Variants in SGF29 observed in about 807,000 individuals in gnomAD.
SGF29 encodes the protein SAGA complex associated factor 29, also known as SAGA-associated factor 29.
Under a neutral mutation model 38.1 loss-of-function variants are expected in SGF29, and 15 were observed. That is an observed-to-expected ratio of 0.39 (90% CI 0.26 to 0.61). The LOEUF is 0.61. SGF29 is among the 20% of genes least tolerant of loss of function. The pLI is 0.49. For missense variants in SGF29, 184 were observed against 394.6 expected (o/e 0.47, Z 4.52); for synonymous variants, 151 against 160.8 (o/e 0.94, Z 0.46).
rs747487215 is a variant in SGF29, at chr16:28,590,697, G to A, written c.602+31G>A. On this transcript the variant is annotated intron_variant, in intron 8 of 9. Coordinates refer to ENST00000317058, the MANE Select transcript of SGF29 (RefSeq NM_138414.3). This position sits in a 1 kb window ranked among gnomAD's most constrained non-coding sequence, Gnocchi z 8.2. ...TGTCCAGGCCAGGGCAGGGCATGGA[G>A]CCTGGGGGCAGCCTAACAGCTGAGA... The A allele has an allele frequency of 6.2e-7, 1 of 1,614,128 alleles. No homozygotes were observed. The highest frequency in any genetic ancestry group is 2.2e-5 in the East Asian group (1 of 44,868).
Position 28,589,184 on chromosome 16 carries a change from C to T in SGF29, c.289+20C>T. 3 of 1,613,528 alleles carry T rather than the reference C, an allele frequency of 1.9e-6. No individual in the cohort carries two copies. Among genetic ancestry groups the T allele is most frequent in the Non-Finnish European group, 2.5e-6 (3 of 1,179,476 alleles). ...GGATTGGTGAGTGGGAGAGAACATG[C>T]TGGGAGGTCCTTTGCTAGGACAAGA... On this transcript the variant is annotated intron_variant, in intron 5 of 9. Coordinates refer to ENST00000317058, the MANE Select transcript of SGF29 (RefSeq NM_138414.3).
chr16:28,573,828 G>C (rs1485178029), intron 1 of SGF29, among the ~76,000 whole-genome samples: 2 of 152,148 alleles, frequency 1.3e-5, no homozygotes, highest in Non-Finnish European at 2.9e-5. Flanking sequence ...TCTGAGGGCA[G>C]TATCAAGGAT....
chr16:28,573,947 A>G (rs1237645635), intron 1 of SGF29, among the ~76,000 whole-genome samples: 1 of 150,512 alleles, frequency 6.6e-6, no homozygotes, highest in Non-Finnish European at 1.5e-5. Flanking sequence ...GTAAAGTAAA[A>G]CCCCCTGTCC....
chr16:28,581,087 C>A lies in SGF29; in HGVS notation c.18C>A (p.Ala6=). The change falls in exon 2 of 10, where the codon GCC becomes GCA. Residue 6 remains alanine, a synonymous_variant. Coordinates refer to ENST00000317058, the MANE Select transcript of SGF29 (RefSeq NM_138414.3). ...TGTAGACAATGGCCCTCGTGTCTGC[C>A]GATTCCCGCATTGCAGAACTTCTCA... is the stretch of plus-strand genomic sequence containing the variant. The part of the protein sequence containing the change: MALVS[A]DSRIAELLTE... 6.2e-7 allele frequency: 1 copy of A among 1,613,966 alleles called. No homozygotes were observed. Among genetic ancestry groups the A allele is most frequent in the Non-Finnish European group, 8.5e-7 (1 of 1,179,976 alleles).
chr16:28,556,234 A>G (rs1386436736), intron 1 of SGF29, among the ~76,000 whole-genome samples: 5 of 152,096 alleles, frequency 3.3e-5, no homozygotes, highest in African/African-American at 9.7e-5. Flanking sequence ...TAGTGGTGCA[A>G]TGTCAACTCA....
intron 1 of SGF29, among the ~76,000 whole-genome samples, chr16:28,563,871 T>C (rs1252060408): frequency 6.6e-6 from 1 of 151,896 alleles, no homozygotes; most frequent in Non-Finnish European, 1.5e-5. Flanking sequence ...CAGGTGTTCC[T>C]GAGTAGCTGG....
chr16:28,588,639 A>G (rs538710539), intron 4 of SGF29: 1 of 428,936 alleles, frequency 2.3e-6, no homozygotes, highest in Admixed American at 2.7e-5. Context: ...ATCTCGGTTC[A>G]CTGCAACCTC....
chr16:28,570,326 G>T (rs983867206), intron 1 of SGF29, among the ~76,000 whole-genome samples: 2 of 152,186 alleles, frequency 1.3e-5, no homozygotes, highest in Admixed American at 6.5e-5. Context: ...AATGGGGTTT[G>T]CTCTGTTGGG....
rs1470835702 is a variant in SGF29, at chr16:28,591,655, C to T, written c.831C>T (p.Leu277=). ...TSYADGYSPP[L]NVAQRYVVAC... Reference sequence around the variant, plus strand: ...ATGCAGATGGCTATTCCCCTCCCCTCAATGTGGCTCAGAGATACGTGGTGG... The same window carrying T: ...ATGCAGATGGCTATTCCCCTCCCCTTAATGTGGCTCAGAGATACGTGGTGG... Residue 277 remains leucine (L), a synonymous_variant, in exon 10 of 10, where the codon CTC becomes CTT. Transcript: ENST00000317058. The T allele has an allele frequency of 6.2e-7, 1 of 1,614,026 alleles. No individual in the cohort carries two copies. The highest frequency in any genetic ancestry group is 1.3e-5 in the African/African-American group (1 of 74,930).
At chr16:28,572,843 A>T (rs1212614439) in intron 1 of SGF29, among the ~76,000 whole-genome samples, 1 of 152,010 alleles carries the variant, frequency 6.6e-6, no homozygotes, top group Non-Finnish European at 1.5e-5. Context: ...GCCTCCTCTC[A>T]CACAGCCCCC....
intron 1 of SGF29, among the ~76,000 whole-genome samples, chr16:28,564,634 CGTATATATGT>C (rs1448868011): frequency 1.3e-4 from 11 of 86,546 alleles, no homozygotes; most frequent in Admixed American, 2.7e-4. Flanking sequence ...CATATATATA[CGTATATATGT>C]GTATATATAC....
chr16:28,556,998 G>T (rs575384181), intron 1 of SGF29, among the ~76,000 whole-genome samples: 19 of 152,210 alleles, frequency 1.2e-4, no homozygotes, highest in African/African-American at 4.6e-4. Flanking sequence ...ATGTGAGTGT[G>T]GGGTATTAGG....
intron 1 of SGF29, among the ~76,000 whole-genome samples, chr16:28,577,390 G>T (rs989093638): frequency 1.3e-5 from 2 of 150,902 alleles, no homozygotes. Flanking sequence ...ATTAATAGTC[G>T]CTGTCCTTTC....
rs753237384 is a variant in SGF29, at chr16:28,557,965, G to GTT, written c.-16+3893_-16+3894dup. 9.6e-4 allele frequency among the ~76,000 whole-genome samples: 63 copies of GTT among 65,618 alleles called. 2 individuals are homozygous for GTT. Among genetic ancestry groups the GTT allele is most frequent in the East Asian group, 1.8e-3 (4 of 2,220 alleles). The allele number at this position is 65,618 out of a possible 152,430, so 43.0% of individuals were successfully genotyped here. A position where few individuals can be genotyped will look rare whatever the true frequency, so the allele number is the denominator to read the frequency against. On this transcript the variant is annotated intron_variant, in intron 1 of 9. Coordinates refer to ENST00000317058, the MANE Select transcript of SGF29 (RefSeq NM_138414.3). ...CAGTATTTTCTGTTTTTCTTTCTCTGTTTTTTTTTTTTTTTTTTTTTTTTT... is the reference window on the plus strand; with the variant it reads ...CAGTATTTTCTGTTTTTCTTTCTCTGTTTTTTTTTTTTTTTTTTTTTTTTTTT...
At chr16:28,583,140 C>A (rs1219804374) in intron 2 of SGF29, among the ~76,000 whole-genome samples, 1 of 152,232 alleles carries the variant, frequency 6.6e-6, no homozygotes, top group African/African-American at 2.4e-5. Flanking sequence ...CTTTCAGGCA[C>A]CCAGTGTAAC....
At position 28,564,590 on chromosome 16, in the gene SGF29, T is replaced by C. The variant is rs150609389; in HGVS notation, c.-16+10493T>C. Among the ~76,000 whole-genome samples, 169 of 129,730 alleles carry C rather than the reference T, an allele frequency of 1.3e-3. 3 individuals are homozygous for C. Among genetic ancestry groups the C allele is most frequent in the South Asian group, 4.0e-3 (18 of 4,496 alleles). 85.1% of individuals were successfully genotyped at this position (129,730 alleles called of 152,430 possible). Reference sequence around the variant, plus strand: ...ACGTATATATATACACGTATATATATACACACATATATGTGTATATATATA... The same window carrying C: ...ACGTATATATATACACGTATATATACACACACATATATGTGTATATATATA... On this transcript the variant is annotated intron_variant, in intron 1 of 9. Transcript: ENST00000317058.
At chr16:28,557,965 G>GT (rs753237384) in intron 1 of SGF29, among the ~76,000 whole-genome samples, 1,444 of 65,630 alleles carry the variant, frequency 0.022, 205 homozygotes, top group African/African-American at 0.058. Flanking sequence ...TTCTTTCTCT[G>GT]TTTTTTTTTT....
At chr16:28,579,338 A>G (rs1596604482) in intron 1 of SGF29, among the ~76,000 whole-genome samples, 1 of 145,148 alleles carries the variant, frequency 6.9e-6, no homozygotes, top group South Asian at 2.2e-4. Context: ...GCGCACTGCA[A>G]CCTCCATCTC....
chr16:28,560,479 C>G (rs1279951001), intron 1 of SGF29, among the ~76,000 whole-genome samples: 1 of 150,998 alleles, frequency 6.6e-6, no homozygotes, highest in Non-Finnish European at 1.5e-5. Flanking sequence ...ATCCCAGCTA[C>G]TCAGGAAGCT....
Sources: allele counts gnomAD v4.1 joint callset (sites outside exome capture counted in the v4.1 genomes callset), GRCh38; gene constraint gnomAD v4.1.1; non-coding constraint Gnocchi (gnomAD v3.1); transcripts MANE v1.5; gene names NCBI Gene and HGNC (gene_info 2026-07-23, HGNC 2026-07-21).